MGST1: variants seen among roughly 807,000 people sequenced by gnomAD.
The protein encoded by MGST1 is microsomal glutathione S-transferase 1, also known as glutathione S-transferase 12.
MGST1 carries 5 observed loss-of-function variants against 8.9 expected under a neutral mutation model. That is an observed-to-expected ratio of 0.56 (90% CI 0.29 to 1.19). MGST1 has a LOEUF of 1.19. Ranked by LOEUF, MGST1 falls within the 50% of genes most tolerant of loss-of-function variation. The pLI is 0.08. For synonymous variants in MGST1, 54 were observed against 67.8 expected (o/e 0.80, Z 1.00); for missense variants, 182 against 187.4 (o/e 0.97, Z 0.17).
At chr12:16,471,744 G>T (rs1226415053) in intron 4 of MGST1, among the ~76,000 whole-genome samples, 1 of 152,138 alleles carries the variant, frequency 6.6e-6, no homozygotes, top group Non-Finnish European at 1.5e-5. Context: ...TCTATGCTGG[G>T]TGATTAATAG....
At chr12:16,566,474 A>T (rs1156899051) in intron 4 of MGST1, among the ~76,000 whole-genome samples, 2 of 152,136 alleles carry the variant, frequency 1.3e-5, no homozygotes, top group Admixed American at 6.6e-5. Context: ...CCCTAATTAG[A>T]TCATTACACA....
chr12:16,373,643 T>G (rs1940334599), intron 3 of MGST1, among the ~76,000 whole-genome samples: 1 of 152,160 alleles, frequency 6.6e-6, no homozygotes, highest in Middle Eastern at 3.4e-3. Context: ...TACAATTGAA[T>G]AAAAAGCATA....
At position 16,518,713 on chromosome 12, in the gene MGST1, C is replaced by T. The variant is rs77163513; in HGVS notation, n.483-70815C>T. On this transcript the variant is annotated intron_variant and non_coding_transcript_variant, in intron 4 of 4. Coordinates refer to the MGST1 transcript ENST00000538857. Reference sequence around the variant, plus strand: ...GCTTCCCATACTAGAGAACAATTATCGGTTTTGTTTTGGTCAGGTGGTGGC... The same window carrying T: ...GCTTCCCATACTAGAGAACAATTATTGGTTTTGTTTTGGTCAGGTGGTGGC... 9.6e-3 allele frequency among the ~76,000 whole-genome samples: 1,462 copies of T among 152,218 alleles called. 49 individuals carry two copies. The East Asian group carries it at 0.14, about 14-fold the overall frequency.
In MGST1 at chr12:16,562,345, T is replaced by C. The variant is rs1423271183; in HGVS notation, n.483-27183T>C. Reference sequence around the variant, plus strand: ...AAAAACTTAAAAGTTCTTTATTCAATGAATATAGATATACTTGTGTATATA... The same window carrying C: ...AAAAACTTAAAAGTTCTTTATTCAACGAATATAGATATACTTGTGTATATA... On this transcript the variant is annotated intron_variant and non_coding_transcript_variant, in intron 4 of 4. Coordinates refer to the MGST1 transcript ENST00000538857. Among the ~76,000 whole-genome samples, 3 of 152,224 alleles carry C rather than the reference T, an allele frequency of 2.0e-5. No homozygotes were observed. In the East Asian group the frequency reaches 5.8e-4, roughly 29 times the overall value.
Position 16,401,178 on chromosome 12 carries a change from A to G in MGST1, n.778+17574A>G, listed in dbSNP as rs1940652458. 3 of 1,558,334 alleles carry G rather than the reference A, an allele frequency of 1.9e-6. No homozygotes were observed. Among genetic ancestry groups the G allele is most frequent in the Non-Finnish European group, 2.7e-6 (3 of 1,131,220 alleles). On this transcript the variant is annotated intron_variant and non_coding_transcript_variant, in intron 1 of 1. Transcript: ENST00000359720. The surrounding 1 kb of genome is among the most constrained non-coding windows in gnomAD (Gnocchi z 4.3). ...TCTTCTTCACAGAAGTGAGAACAGT[A>G]GCTGGGCCATCCTCATCCATAAGCA... is the stretch of plus-strand genomic sequence containing the variant.
chr12:16,392,297 T>A (rs894146340), intron 1 of MGST1, among the ~76,000 whole-genome samples: 6 of 152,234 alleles, frequency 3.9e-5, no homozygotes, highest in Non-Finnish European at 7.3e-5. Flanking sequence ...ATTGTGTAAT[T>A]TGATTTCCTA....
intron 4 of MGST1, among the ~76,000 whole-genome samples, chr12:16,505,769 C>G (rs146510299): frequency 7.4e-4 from 113 of 152,294 alleles, no homozygotes; most frequent in Middle Eastern, 3.4e-3. Flanking sequence ...TAATTCCATG[C>G]CTAAATACAT....
At chr12:16,514,724 T>G (rs984355580) in intron 4 of MGST1, among the ~76,000 whole-genome samples, 1 of 151,596 alleles carries the variant, frequency 6.6e-6, no homozygotes, top group Admixed American at 6.6e-5. Flanking sequence ...CCTCTGCTAC[T>G]GGGAGCTTCA....
chr12:16,403,067 A>G (rs916078381), intron 1 of MGST1, among the ~76,000 whole-genome samples: 1 of 151,870 alleles, frequency 6.6e-6, no homozygotes, highest in African/African-American at 2.4e-5. Flanking sequence ...AATCATTTTT[A>G]TCCTTGACTT....
At position 16,586,888 on chromosome 12, in the gene MGST1, G is replaced by A. The variant is rs76529060; in HGVS notation, n.483-2640G>A. Among the ~76,000 whole-genome samples the A allele has an allele frequency of 0.065, 9,949 of 152,164 alleles. 480 individuals carry two copies. Among genetic ancestry groups the A allele is most frequent in the Non-Finnish European group, 0.092 (6,264 of 67,990 alleles). ...TTAAAATGGTAAAATTAGACAATAC[G>A]TCTCATCTAAATTCATGGAATTCTC... is the stretch of plus-strand genomic sequence containing the variant. On this transcript the variant is annotated intron_variant and non_coding_transcript_variant, in intron 4 of 4. Transcript: ENST00000538857. This position sits in a 1 kb window ranked among gnomAD's most constrained non-coding sequence, Gnocchi z 4.3.
At chr12:16,530,769 A>G (rs1271721050) in intron 4 of MGST1, among the ~76,000 whole-genome samples, 1 of 152,120 alleles carries the variant, frequency 6.6e-6, no homozygotes, top group Non-Finnish European at 1.5e-5. Flanking sequence ...GTGTAATGTA[A>G]CAGGCAAGTA....
At position 16,362,216 on chromosome 12, in the gene MGST1, T is replaced by G. The variant is rs1940032115; in HGVS notation, c.222-1579T>G. Among the ~76,000 whole-genome samples the G allele has an allele frequency of 3.3e-5, 5 of 152,346 alleles. 1 individual carries two copies. In the South Asian group the frequency reaches 1.0e-3, roughly 32 times the overall value. On this transcript the variant is annotated intron_variant, in intron 3 of 3. Transcript: ENST00000396210. The surrounding 1 kb of genome is among the most constrained non-coding windows in gnomAD (Gnocchi z 4.4). Reference sequence around the variant, plus strand: ...GCCCTTCTTTAATAGAAAATGGTATTCCTGTCTTTTCTTTCCCATCTCATT... The same window carrying G: ...GCCCTTCTTTAATAGAAAATGGTATGCCTGTCTTTTCTTTCCCATCTCATT...
At chr12:16,557,260 T>G (rs942877397) in intron 4 of MGST1, among the ~76,000 whole-genome samples, 1 of 152,014 alleles carries the variant, frequency 6.6e-6, no homozygotes, top group Non-Finnish European at 1.5e-5. Flanking sequence ...GGACATAAAC[T>G]GCCTACTTCT....
At chr12:16,374,484 C>T (rs971377937) in intron 3 of MGST1, among the ~76,000 whole-genome samples, 2 of 151,934 alleles carry the variant, frequency 1.3e-5, no homozygotes, top group African/African-American at 2.4e-5. Context: ...CACCCCAAAT[C>T]CCTTTATCCA....
At chr12:16,469,471 G>A (rs1267421262) in intron 4 of MGST1, among the ~76,000 whole-genome samples, 3 of 152,180 alleles carry the variant, frequency 2.0e-5, no homozygotes, top group Admixed American at 6.5e-5. Context: ...TTACAGGCAT[G>A]AGCCACCATG....
intron 3 of MGST1, among the ~76,000 whole-genome samples, chr12:16,375,733 T>A (rs1466760746): frequency 6.6e-6 from 1 of 151,958 alleles, no homozygotes; most frequent in Non-Finnish European, 1.5e-5. Context: ...GTATTAGTTT[T>A]AACTGATGAT....
intron 1 of MGST1, chr12:16,400,224 G>A (rs190171865): frequency 2.5e-5 from 22 of 876,868 alleles, no homozygotes; most frequent in Non-Finnish European, 3.9e-5. Context: ...GCACATCCAT[G>A]TGCCACTTCT....
intron 4 of MGST1, among the ~76,000 whole-genome samples, chr12:16,476,693 G>A (rs529245236): frequency 3.3e-5 from 5 of 152,198 alleles, no homozygotes; most frequent in Non-Finnish European, 7.4e-5. Flanking sequence ...TTTTGATAAG[G>A]TCAGACTTGA....
chr12:16,430,628 G>A (rs1940930120), intron 1 of MGST1, among the ~76,000 whole-genome samples: 1 of 151,502 alleles, frequency 6.6e-6, no homozygotes, highest in South Asian at 2.1e-4. Context: ...TTTTTTCTGA[G>A]CAGTAGGTCT....
Sources: gnomAD v4.1 joint callset for allele counts (sites outside exome capture counted in the v4.1 genomes callset) on GRCh38, gnomAD v4.1.1 for gene constraint, Gnocchi (gnomAD v3.1) non-coding constraint, MANE v1.5 for transcripts, NCBI Gene and HGNC (gene_info 2026-07-23, HGNC 2026-07-21) for gene names.